Variants in KHDRBS2 observed in about 807,000 individuals in gnomAD.
The protein encoded by KHDRBS2 is KH RNA binding domain containing, signal transduction associated 2.
A neutral mutation model predicts 44.3 loss-of-function variants in KHDRBS2; 26 were observed. The ratio of observed to expected loss-of-function variants is 0.59; its 90% CI spans 0.43 to 0.81. KHDRBS2 has a LOEUF of 0.81. Ranked by LOEUF, KHDRBS2 falls within the 40% of genes least tolerant of loss-of-function variation. KHDRBS2 has a pLI of 0.00. For synonymous variants in KHDRBS2, 194 were observed against 151.1 expected, an observed-to-expected ratio of 1.28 and a Z score of -2.08; for missense variants, 476 against 433.1, an observed-to-expected ratio of 1.10 and a Z score of -0.88.
At chr6:61,563,731 A>G in the KHDRBS2 span, among the ~76,000 whole-genome samples, 7 of 152,216 alleles carry the variant, frequency 4.6e-5, no homozygotes, top group African/African-American at 1.7e-4. Flanking sequence ...TGTAGTCATT[A>G]AGATATATTC....
At chr6:62,054,807 G>C (rs140299754) in intron 2 of KHDRBS2, among the ~76,000 whole-genome samples, 102 of 152,084 alleles carry the variant, frequency 6.7e-4, no homozygotes, top group African/African-American at 2.2e-3. Flanking sequence ...TCAGACTTCT[G>C]AACTCCACAA....
the KHDRBS2 span, among the ~76,000 whole-genome samples, chr6:61,569,705 C>G: frequency 1.3e-5 from 2 of 152,176 alleles, no homozygotes; most frequent in African/African-American, 2.4e-5. Flanking sequence ...AGAGCAGGTG[C>G]TGGTATCTAC....
chr6:62,070,786 C>G (rs1311832620), intron 2 of KHDRBS2, among the ~76,000 whole-genome samples: 1 of 151,766 alleles, frequency 6.6e-6, no homozygotes, highest in African/African-American at 2.4e-5. Context: ...TGTGAATAGT[C>G]TCGCAATAAA....
At chr6:62,248,816 T>C (rs538774938) in intron 1 of KHDRBS2, among the ~76,000 whole-genome samples, 3 of 152,208 alleles carry the variant, frequency 2.0e-5, no homozygotes, top group Admixed American at 6.5e-5. Context: ...TGCTGTACCA[T>C]TGCCACTGCA....
rs184619137 is a variant in KHDRBS2, at chr6:61,735,205, A to G, written c.811-2441T>C. 7.2e-5 allele frequency among the ~76,000 whole-genome samples: 11 copies of G among 152,220 alleles called. No homozygotes were observed. In the East Asian group the frequency reaches 2.1e-3, roughly 29 times the overall value. The stretch of plus-strand genomic sequence containing the variant: ...ACAAGATGTTAATGGAAACTCATCT[A>G]CCCTTCACCTAGATTCAACAATTAT... On this transcript the variant is annotated intron_variant, in intron 6 of 8. Coordinates refer to ENST00000281156, the MANE Select transcript of KHDRBS2 (RefSeq NM_152688.4).
At chr6:61,893,932 AT>A (rs1802459599) in intron 6 of KHDRBS2, among the ~76,000 whole-genome samples, 1 of 152,078 alleles carries the variant, frequency 6.6e-6, no homozygotes, top group Admixed American at 6.6e-5. Flanking sequence ...AAGACTTCCT[AT>A]TGTTACACTA....
intron 1 of KHDRBS2, among the ~76,000 whole-genome samples, chr6:62,246,103 T>TATATAC (rs1491479168): frequency 4.0e-4 from 1 of 2,526 alleles, no homozygotes; most frequent in African/African-American, 1.2e-3. Context: ...CAATCAATTT[T>TATATAC]ATATATATAT....
chr6:61,691,325 C>G (rs1767371088), intron 8 of KHDRBS2, among the ~76,000 whole-genome samples: 1 of 151,954 alleles, frequency 6.6e-6, no homozygotes, highest in Non-Finnish European at 1.5e-5. Flanking sequence ...CACTTATTAC[C>G]AAGGCTAATT....
chr6:61,902,294 T>C (rs1019124557), intron 4 of KHDRBS2, among the ~76,000 whole-genome samples: 5 of 152,132 alleles, frequency 3.3e-5, no homozygotes, highest in Non-Finnish European at 7.3e-5. Flanking sequence ...TGAGTTCCAG[T>C]ATTAGGCTAA....
intron 4 of KHDRBS2, among the ~76,000 whole-genome samples, chr6:61,946,190 T>C (rs939545704): frequency 6.6e-6 from 1 of 152,240 alleles, no homozygotes; most frequent in African/African-American, 2.4e-5. Context: ...CTGGACATTA[T>C]AAACATATTT....
the KHDRBS2 span, among the ~76,000 whole-genome samples, chr6:61,638,190 C>A: frequency 2.6e-5 from 4 of 152,172 alleles, no homozygotes; most frequent in Admixed American, 1.3e-4. Context: ...AAAGAGCCCG[C>A]ATCACCAAGT....
chr6:62,042,746 G>T (rs756307387), intron 3 of KHDRBS2, among the ~76,000 whole-genome samples: 2 of 152,068 alleles, frequency 1.3e-5, no homozygotes, highest in African/African-American at 2.4e-5. Context: ...AAATCAGAAA[G>T]AATTTACTAA....
intron 6 of KHDRBS2, among the ~76,000 whole-genome samples, chr6:61,852,882 C>A (rs1415026540): frequency 6.6e-6 from 1 of 151,976 alleles, no homozygotes; most frequent in Non-Finnish European, 1.5e-5. Flanking sequence ...AATGAAAAAT[C>A]AAAAACCACC....
intron 6 of KHDRBS2, among the ~76,000 whole-genome samples, chr6:61,746,236 A>G (rs1776838154): frequency 6.6e-6 from 1 of 152,094 alleles, no homozygotes; most frequent in Non-Finnish European, 1.5e-5. Context: ...TCAGAAGAGA[A>G]GTTTAGAAGA....
chr6:62,153,555 A>G (rs1387265053), intron 2 of KHDRBS2, among the ~76,000 whole-genome samples: 1 of 152,138 alleles, frequency 6.6e-6, no homozygotes, highest in Non-Finnish European at 1.5e-5. Flanking sequence ...AAGAGTATGG[A>G]TTTAAAACTA....
chr6:61,792,903 G>A (rs1011351506), intron 6 of KHDRBS2, among the ~76,000 whole-genome samples: 1 of 151,814 alleles, frequency 6.6e-6, no homozygotes, highest in African/African-American at 2.4e-5. Flanking sequence ...GTGTACCTGT[G>A]TGTATCCATA....
At chr6:61,691,067 T>C (rs1247323522) in intron 8 of KHDRBS2, among the ~76,000 whole-genome samples, 1 of 152,070 alleles carries the variant, frequency 6.6e-6, no homozygotes, top group Admixed American at 6.6e-5. Flanking sequence ...CAGTCTGGTA[T>C]GGAAGCTGAA....
chr6:61,714,949 T>C (rs759036434), intron 7 of KHDRBS2, among the ~76,000 whole-genome samples: 1 of 151,760 alleles, frequency 6.6e-6, no homozygotes, highest in African/African-American at 2.4e-5. Context: ...ATAGGTCCAA[T>C]GTACAATATG....
chr6:62,271,085 G>T (rs1840015813), intron 1 of KHDRBS2, among the ~76,000 whole-genome samples: 1 of 152,056 alleles, frequency 6.6e-6, no homozygotes, highest in African/African-American at 2.4e-5. Flanking sequence ...TATAATAAAT[G>T]TGTCAGAAAG....
Sources: gnomAD v4.1 joint callset for allele counts (sites outside exome capture counted in the v4.1 genomes callset) on GRCh38, gnomAD v4.1.1 for gene constraint, MANE v1.5 for transcripts, NCBI Gene and HGNC (gene_info 2026-07-23, HGNC 2026-07-21) for gene names.